Variants in LRRTM4 observed in about 807,000 individuals in gnomAD.
LRRTM4 encodes leucine rich repeat transmembrane neuronal 4.
Under a neutral mutation model 47.6 loss-of-function variants are expected in LRRTM4, and 25 were observed. The observed-to-expected ratio is 0.53, with a 90% CI of 0.38 to 0.73. The LOEUF (loss-of-function observed/expected upper bound fraction) is 0.73. Ranked by LOEUF, LRRTM4 falls within the 30% of genes least tolerant of loss-of-function variation. The pLI, the probability that LRRTM4 is intolerant of heterozygous loss-of-function variation, is 0.00. For synonymous variants in LRRTM4, 311 were observed against 269.5 expected (o/e 1.15, Z -1.51); for missense variants, 638 against 713.4 (o/e 0.89, Z 1.20).
chr2:77,074,230 G>A lies in LRRTM4; in HGVS notation c.1552-325314C>T, dbSNP rs550217436. Among the ~76,000 whole-genome samples, 6 of 152,188 alleles carry A rather than the reference G, an allele frequency of 3.9e-5. No homozygotes were observed. The South Asian group carries it at 1.2e-3, about 32-fold the overall frequency. On this transcript the variant is annotated intron_variant, in intron 3 of 3. Transcript: ENST00000409884. ...CATTTATACTTGTTATAACATAGAT[G>A]GTCTAACCTAACCAGCCTTTGCTAA...
chr2:76,795,617 C>A (rs72815441), intron 3 of LRRTM4, among the ~76,000 whole-genome samples: 17,118 of 130,090 alleles, frequency 0.13, 1,141 homozygotes, highest in Non-Finnish European at 0.17. Context: ...TTTTCTTTAT[C>A]CATCCATTGA....
intron 3 of LRRTM4, among the ~76,000 whole-genome samples, chr2:77,221,538 A>C (rs1674632181): frequency 1.3e-5 from 2 of 152,276 alleles, no homozygotes; most frequent in South Asian, 4.1e-4. Flanking sequence ...AAAACAAAAA[A>C]AGGCAGGGGT....
At chr2:76,798,099 C>G (rs1259331068) in intron 3 of LRRTM4, among the ~76,000 whole-genome samples, 1 of 151,744 alleles carries the variant, frequency 6.6e-6, no homozygotes, top group African/African-American at 2.4e-5. Context: ...AGCAAGCAGA[C>G]CTAATAGACA....
intron 3 of LRRTM4, among the ~76,000 whole-genome samples, chr2:77,396,481 A>G (rs1673708871): frequency 6.6e-6 from 1 of 151,976 alleles, no homozygotes; most frequent in South Asian, 2.1e-4. Context: ...AGAACTTGTT[A>G]AATGTTGTTA....
At position 77,114,412 on chromosome 2, in the gene LRRTM4, T is replaced by C. The variant is rs540143771; in HGVS notation, c.1552-365496A>G. On this transcript the variant is annotated intron_variant, in intron 3 of 3. Transcript: ENST00000409884. ...TAATATAGCAGAGATGAGCATGATGTTTAGACTCCCTGTGACCCGTAGTTA... is the reference window on the plus strand; with the variant it reads ...TAATATAGCAGAGATGAGCATGATGCTTAGACTCCCTGTGACCCGTAGTTA... Among the ~76,000 whole-genome samples the C allele has an allele frequency of 1.6e-4, 25 of 152,272 alleles. 1 individual carries two copies. In the South Asian group the frequency reaches 5.0e-3, roughly 30 times the overall value.
intron 3 of LRRTM4, among the ~76,000 whole-genome samples, chr2:76,900,546 A>G (rs1363459698): frequency 6.6e-6 from 1 of 152,136 alleles, no homozygotes; most frequent in Non-Finnish European, 1.5e-5. Flanking sequence ...TTCCTGGTAT[A>G]TTATGGCTTT....
chr2:76,770,485 C>G (rs895940260), intron 3 of LRRTM4, among the ~76,000 whole-genome samples: 9 of 152,094 alleles, frequency 5.9e-5, no homozygotes, highest in South Asian at 2.1e-4. Flanking sequence ...TATGTAACCC[C>G]CAGCCACCTA....
intron 3 of LRRTM4, among the ~76,000 whole-genome samples, chr2:77,273,096 C>T (rs1246301082): frequency 6.6e-6 from 1 of 152,092 alleles, no homozygotes; most frequent in African/African-American, 2.4e-5. Context: ...CTTGTTTTTT[C>T]ATCCTGTTAA....
At chr2:77,271,839 A>G (rs746775202) in intron 3 of LRRTM4, among the ~76,000 whole-genome samples, 7 of 152,104 alleles carry the variant, frequency 4.6e-5, no homozygotes, top group Non-Finnish European at 7.4e-5. Context: ...GTTCATTCTT[A>G]TTTCCTACGA....
At chr2:76,754,150 G>A (rs1487199044) in intron 3 of LRRTM4, among the ~76,000 whole-genome samples, 1 of 152,130 alleles carries the variant, frequency 6.6e-6, no homozygotes, top group Non-Finnish European at 1.5e-5. Context: ...AGAATTCAAT[G>A]CAGTTGAATT....
intron 3 of LRRTM4, among the ~76,000 whole-genome samples, chr2:77,474,953 T>A (rs1342551824): frequency 6.6e-6 from 1 of 152,110 alleles, no homozygotes; most frequent in Non-Finnish European, 1.5e-5. Context: ...ACAATTTTGC[T>A]CATCTAGAAG....
chr2:77,413,262 G>T (rs541293797), intron 3 of LRRTM4, among the ~76,000 whole-genome samples: 4 of 152,250 alleles, frequency 2.6e-5, no homozygotes, highest in Middle Eastern at 3.4e-3. Context: ...AAAAGAACAT[G>T]AGTAGGTCTG....
At chr2:76,812,764 TCC>T in intron 3 of LRRTM4, among the ~76,000 whole-genome samples, 1 of 116,246 alleles carries the variant, frequency 8.6e-6, no homozygotes, top group South Asian at 3.3e-4. Context: ...CTTCTCCTCC[TCC>T]TCTCCCTCCC....
intron 3 of LRRTM4, among the ~76,000 whole-genome samples, chr2:76,772,194 C>G (rs1291375899): frequency 4.6e-5 from 7 of 152,204 alleles, no homozygotes; most frequent in African/African-American, 7.2e-5. Flanking sequence ...CTCTCTGACT[C>G]TACTCTTTTC....
chr2:76,841,861 C>T (rs1671693716), intron 3 of LRRTM4, among the ~76,000 whole-genome samples: 1 of 152,072 alleles, frequency 6.6e-6, no homozygotes, highest in Non-Finnish European at 1.5e-5. Context: ...ATTACTTTCA[C>T]ATATCAAATC....
intron 3 of LRRTM4, among the ~76,000 whole-genome samples, chr2:76,807,449 TATATATATACATATATATATAC>T (rs1558667540): frequency 2.0e-5 from 2 of 100,726 alleles, no homozygotes; most frequent in African/African-American, 1.1e-4. Context: ...TATATACATA[TATATATATACATATATATATAC>T]ATATATATAT....
At chr2:77,000,590 T>C (rs1399255632) in intron 3 of LRRTM4, among the ~76,000 whole-genome samples, 1 of 152,190 alleles carries the variant, frequency 6.6e-6, no homozygotes, top group Non-Finnish European at 1.5e-5. Context: ...GAGGATGCCC[T>C]AAGTAAGATG....
intron 3 of LRRTM4, among the ~76,000 whole-genome samples, chr2:76,862,637 G>A (rs903295682): frequency 5.9e-5 from 9 of 152,106 alleles, no homozygotes; most frequent in Admixed American, 3.3e-4. Context: ...ACACGCGTGC[G>A]CGCGCACACA....
intron 3 of LRRTM4, among the ~76,000 whole-genome samples, chr2:77,198,435 T>C (rs1387363869): frequency 6.6e-6 from 1 of 152,202 alleles, no homozygotes; most frequent in African/African-American, 2.4e-5. Context: ...ATCATAAATA[T>C]GTTAGCCTCT....
Sources: gnomAD v4.1 joint callset for allele counts (sites outside exome capture counted in the v4.1 genomes callset) on GRCh38, gnomAD v4.1.1 for gene constraint, MANE v1.5 for transcripts, NCBI Gene and HGNC (gene_info 2026-07-23, HGNC 2026-07-21) for gene names.